VCL: variants seen among roughly 807,000 people sequenced by gnomAD.
VCL encodes the protein epididymis luminal protein 114.
VCL carries 47 observed loss-of-function variants against 125.7 expected under a neutral mutation model. The ratio of observed to expected loss-of-function variants is 0.37; its 90% CI spans 0.30 to 0.48. VCL has a LOEUF of 0.48. VCL is among the 20% of genes least tolerant of loss of function. The pLI, the probability that VCL is intolerant of heterozygous loss-of-function variation, is 0.99. For missense variants in VCL, 1,069 were observed against 1,455.5 expected (o/e 0.73, Z 4.32); for synonymous variants, 458 against 514.6 (o/e 0.89, Z 1.49).
At chr10:74,085,992 T>C (rs1015462953) in intron 8 of VCL, among the ~76,000 whole-genome samples, 2 of 152,096 alleles carry the variant, frequency 1.3e-5, no homozygotes, top group Non-Finnish European at 2.9e-5. Flanking sequence ...CTCAGCCTCT[T>C]GAGTACCTGG....
chr10:74,101,557 T>G (rs868415473), intron 14 of VCL, among the ~76,000 whole-genome samples: 3 of 141,848 alleles, frequency 2.1e-5, no homozygotes, highest in Non-Finnish European at 4.6e-5. Context: ...TTTTTTTTTT[T>G]TTTTTTTTTG....
At chr10:74,004,147 A>G (rs1478819524) in intron 1 of VCL, among the ~76,000 whole-genome samples, 1 of 152,190 alleles carries the variant, frequency 6.6e-6, no homozygotes, top group Non-Finnish European at 1.5e-5. Context: ...AGTAAATAAC[A>G]GTGTTTGGGT....
At chr10:74,052,328 G>C (rs1183805495) in intron 2 of VCL, among the ~76,000 whole-genome samples, 1 of 133,368 alleles carries the variant, frequency 7.5e-6, no homozygotes, top group Non-Finnish European at 1.6e-5. Context: ...CTTAATTTTT[G>C]TTTCTTAATA....
In VCL at chr10:74,105,368, G is replaced by A. The variant is rs984492091; in HGVS notation, c.2434+15G>A. ...TTCCGACCCTGGTAAGCAATGCATG[G>A]CACTATGTCTCACCTCCACTGAGAG... On this transcript the variant is annotated intron_variant, in intron 16 of 21. Transcript: ENST00000211998. The A allele has an allele frequency of 6.8e-6, 11 of 1,611,994 alleles. No homozygotes were observed. The highest frequency in any genetic ancestry group is 9.3e-6 in the Non-Finnish European group (11 of 1,179,898).
intron 2 of VCL, chr10:74,063,906 C>T (rs568897577): frequency 1.3e-5 from 2 of 152,246 alleles, no homozygotes; most frequent in South Asian, 4.1e-4. Flanking sequence ...AGTCTTCCAA[C>T]TCTTCAGACA....
chr10:74,005,727 GGCA>G (rs1292105106), intron 1 of VCL, among the ~76,000 whole-genome samples: 2 of 152,084 alleles, frequency 1.3e-5, no homozygotes, highest in Non-Finnish European at 2.9e-5. Context: ...TACATAAAGT[GGCA>G]TGGTATTTGC....
Position 74,076,791 on chromosome 10 carries a change from C to G in VCL, c.783+1888C>G, listed in dbSNP as rs192484857. On this transcript the variant is annotated intron_variant, in intron 6 of 21. Transcript: ENST00000211998. ...CTGTAGTTCTCCATGACCTCATGTTCCCCTAACCCAAGCTCTTCGCTTATT... is the reference window on the plus strand; with the variant it reads ...CTGTAGTTCTCCATGACCTCATGTTGCCCTAACCCAAGCTCTTCGCTTATT... 1.7e-3 allele frequency: 254 copies of G among 152,752 alleles called. 3 individuals are homozygous for G. Among genetic ancestry groups the G allele is most frequent in the African/African-American group, 5.7e-3 (236 of 41,556 alleles). 9.5% of individuals were successfully genotyped at this position (152,752 alleles called of 1,614,324 possible).
Position 74,022,647 on chromosome 10 carries a change from T to TG in VCL, c.169-20436_169-20435insG, listed in dbSNP as rs1840694436. On this transcript the variant is annotated intron_variant, in intron 1 of 21. Coordinates refer to ENST00000211998, the MANE Select transcript of VCL (RefSeq NM_014000.3). ...CTTCAGTGTCCGTAATGTCTTTTTT[T>TG]TTTTTTGAGACGGAGTTTCGTTCTT... 3.3e-5 allele frequency among the ~76,000 whole-genome samples: 5 copies of TG among 151,806 alleles called. No homozygotes were observed. In the East Asian group the frequency reaches 9.7e-4, roughly 29 times the overall value.
chr10:74,081,391 G>C (rs1294985901), intron 6 of VCL, among the ~76,000 whole-genome samples: 1 of 152,128 alleles, frequency 6.6e-6, no homozygotes, highest in Non-Finnish European at 1.5e-5. Context: ...GATGCTCCTG[G>C]TGCCCCCGTG....
At chr10:74,104,910 T>C (rs1840108530) in intron 15 of VCL, 141 bp from the exon 16 acceptor site, 1 of 961,250 alleles carries the variant, frequency 1.0e-6, no homozygotes. Flanking sequence ...TGGAAGCTTT[T>C]GATTATGTAG....
At position 74,111,977 on chromosome 10, in the gene VCL, C is replaced by G. The variant is rs2131956; in HGVS notation, c.2814C>G (p.Gly938=). ...AGGCAGATGCGGCCGATGCTGCTGG[C>G]TTCCCTGTCCCCCCTGACATGGAAG... is the stretch of plus-strand genomic sequence containing the variant. The part of the protein sequence containing the change: ...VAEADAADAA[G]FPVPPDMEDD... The change falls in exon 19 of 22, where the codon GGC becomes GGG. Residue 938 remains glycine, a synonymous_variant. Coordinates refer to ENST00000211998, the MANE Select transcript of VCL (RefSeq NM_014000.3). 1,148,160 of 1,613,952 alleles carry G rather than the reference C, an allele frequency of 0.71. 414,207 individuals are homozygous for G. Among genetic ancestry groups the G allele is most frequent in the Middle Eastern group, 0.83 (5,057 of 6,062 alleles).
At chr10:74,016,215 A>G (rs1040626961) in intron 1 of VCL, among the ~76,000 whole-genome samples, 2 of 151,948 alleles carry the variant, frequency 1.3e-5, no homozygotes. Flanking sequence ...TTGTTCTTTT[A>G]TTATACTTAA....
intron 1 of VCL, among the ~76,000 whole-genome samples, chr10:74,022,186 G>A (rs1840682141): frequency 6.6e-6 from 1 of 152,048 alleles, no homozygotes; most frequent in South Asian, 2.1e-4. Context: ...AATAGTGTTT[G>A]CATTTAAAAA....
At chr10:74,035,340 TAAC>T (rs1191189736) in intron 1 of VCL, among the ~76,000 whole-genome samples, 1 of 150,680 alleles carries the variant, frequency 6.6e-6, no homozygotes, top group African/African-American at 2.4e-5. Flanking sequence ...GGAGTAATAA[TAAC>T]AACAGCAGAA....
chr10:74,050,932 A>ATTTTT (rs10607921), intron 2 of VCL, among the ~76,000 whole-genome samples: 28 of 77,436 alleles, frequency 3.6e-4, no homozygotes, highest in Middle Eastern at 8.1e-3. Context: ...GTACTACTGT[A>ATTTTT]TTTTTTTTTT....
Position 74,105,160 on chromosome 10 carries a change from G to C in VCL, c.2241G>C (p.Gln747His), listed in dbSNP as rs770019329. ...CKVAMANIQP[Q>H]MLVAGATSIA... ...TAGCTATGGCCAACATTCAGCCTCA[G>C]ATGCTGGTTGCTGGGGCAACCAGTA... Residue 747 changes from glutamine (Q) to histidine (H), a missense_variant, in exon 16 of 22, where the codon CAG becomes CAC. By Grantham distance (24) the Gln-to-His change is conservative. Transcript: ENST00000211998. 9 of 1,614,208 alleles carry C rather than the reference G, an allele frequency of 5.6e-6. No homozygotes were observed. The highest frequency in any genetic ancestry group is 6.8e-6 in the Non-Finnish European group (8 of 1,180,036).
At chr10:74,115,183 T>G (rs1840292580) in intron 21 of VCL, among the ~76,000 whole-genome samples, 1 of 152,082 alleles carries the variant, frequency 6.6e-6, no homozygotes, top group East Asian at 1.9e-4. Flanking sequence ...AAGCTGTGAT[T>G]GCACCACTGC....
At chr10:74,084,158 C>T (rs529404660) in intron 8 of VCL, among the ~76,000 whole-genome samples, 2 of 152,186 alleles carry the variant, frequency 1.3e-5, no homozygotes, top group African/African-American at 4.8e-5. Context: ...AGCCACTGTG[C>T]CCGGCCACAC....
At chr10:74,008,948 A>T (rs919252159) in intron 1 of VCL, among the ~76,000 whole-genome samples, 1 of 152,198 alleles carries the variant, frequency 6.6e-6, no homozygotes, top group Non-Finnish European at 1.5e-5. Context: ...CTGCCTTGGC[A>T]TTTTTAAGCT....
Sources: gnomAD v4.1 joint callset for allele counts (sites outside exome capture counted in the v4.1 genomes callset) on GRCh38, gnomAD v4.1.1 for gene constraint, MANE v1.5 for transcripts, NCBI Gene and HGNC (gene_info 2026-07-23, HGNC 2026-07-21) for gene names.